Variants in ZSCAN32 observed in about 807,000 individuals in gnomAD.
The protein encoded by ZSCAN32 is zinc finger and SCAN domain containing 32, also known as zinc finger and SCAN domain-containing protein 32.
Under a neutral mutation model 47.4 loss-of-function variants are expected in ZSCAN32, and 52 were observed. That is an observed-to-expected ratio of 1.10 (90% CI 0.88 to 1.38). ZSCAN32 has a LOEUF of 1.38. Ranked by LOEUF, ZSCAN32 falls within the 40% of genes most tolerant of loss-of-function variation. The pLI is 0.00. For synonymous variants in ZSCAN32, 346 were observed against 305.7 expected (o/e 1.13, Z -1.38); for missense variants, 959 against 846.0 (o/e 1.13, Z -1.66).
chr16:3,387,917 G>A (rs899913355), intron 5 of ZSCAN32, among the ~76,000 whole-genome samples: 1 of 152,156 alleles, frequency 6.6e-6, no homozygotes, highest in Non-Finnish European at 1.5e-5. Context: ...CAAATAAAGT[G>A]ACATACTCAA....
chr16:3,400,324 G>A (rs1166714146), intron 1 of ZSCAN32, among the ~76,000 whole-genome samples: 3 of 152,104 alleles, frequency 2.0e-5, no homozygotes, highest in Non-Finnish European at 4.4e-5. Flanking sequence ...ACAGCTCCTA[G>A]GCAGCAAGGC....
chr16:3,399,405 G>C (rs915219814), intron 1 of ZSCAN32, among the ~76,000 whole-genome samples: 1 of 152,024 alleles, frequency 6.6e-6, no homozygotes, highest in African/African-American at 2.4e-5. Context: ...TGTAAGATCA[G>C]AGTTGTCTCC....
intron 1 of ZSCAN32, 85 bp from the exon 2 acceptor site, chr16:3,397,829 T>A: frequency 1.1e-5 from 3 of 281,504 alleles, no homozygotes; most frequent in Non-Finnish European, 2.0e-5. Flanking sequence ...TCCCTTTCCT[T>A]TACTCCCTCC....
chr16:3,397,582 T>C lies in ZSCAN32; in HGVS notation c.-25A>G. On this transcript the variant is annotated 5_prime_UTR_variant, in exon 2 of 7. Coordinates refer to ENST00000396852, the MANE Select transcript of ZSCAN32 (RefSeq NM_001284527.2). The stretch of plus-strand genomic sequence containing the variant: ...TTTGCTTCAACGAACTGGCTTACTC[T>C]GGTTGCCACTTCTACCCTGGAGATC... 2 of 1,495,838 alleles carry C rather than the reference T, an allele frequency of 1.3e-6. No homozygotes were observed. The highest frequency in any genetic ancestry group is 1.8e-6 in the Non-Finnish European group (2 of 1,117,518). The allele number at this position is 1,495,838 out of a possible 1,614,324, so 92.7% of individuals were successfully genotyped here.
At chr16:3,393,105 G>A (rs2032911350) in intron 3 of ZSCAN32, among the ~76,000 whole-genome samples, 1 of 130,794 alleles carries the variant, frequency 7.6e-6, no homozygotes, top group Non-Finnish European at 1.6e-5. Context: ...TACTTTAAGT[G>A]CTATTACCCT....
intron 5 of ZSCAN32, among the ~76,000 whole-genome samples, chr16:3,389,586 T>C (rs2032422642): frequency 6.6e-6 from 1 of 152,122 alleles, no homozygotes; most frequent in South Asian, 2.1e-4. Context: ...CTGGGCATAG[T>C]AGACTGTCCT....
intron 2 of ZSCAN32, among the ~76,000 whole-genome samples, chr16:3,395,562 G>A (rs1376824742): frequency 6.6e-6 from 1 of 152,168 alleles, no homozygotes; most frequent in Non-Finnish European, 1.5e-5. Flanking sequence ...CCACAGCCAT[G>A]CAGAACTGTG....
chr16:3,397,623 C>T lies in ZSCAN32; in HGVS notation c.-66G>A. On this transcript the variant is annotated 5_prime_UTR_variant, in exon 2 of 7. The change creates a premature stop within an existing upstream ORF in the 5' untranslated region. Transcript: ENST00000396852. ...CCTGGAGATCAGAGTCCATCTTTCC[C>T]ACATCACTGGGAAGCCATGTTCTCC... 6.9e-7 allele frequency: 1 copy of T among 1,451,484 alleles called. No homozygotes were observed. Among genetic ancestry groups the T allele is most frequent in the Non-Finnish European group, 9.1e-7 (1 of 1,100,718 alleles). The allele number at this position is 1,451,484 out of a possible 1,614,324, so 89.9% of individuals were successfully genotyped here.
Position 3,384,643 on chromosome 16 carries a change from G to C in ZSCAN32, c.1050C>G (p.Ser350Arg). The C allele has an allele frequency of 6.2e-7, 1 of 1,614,090 alleles. No homozygotes were observed. The highest frequency in any genetic ancestry group is 8.5e-7 in the Non-Finnish European group (1 of 1,180,030). ...TTCCTTCTTGGCCAGGAACAGCATC[G>C]CTTGCCATAGGAGGTGCAGAGGCCC... ...GSWASAPPMA[S>R]DAVPGQEGSD... Residue 350 changes from serine to arginine, a missense_variant, in exon 6 of 7, where the codon AGC (serine) becomes AGG (arginine). Ser to Arg is a moderately radical substitution (Grantham distance 110, BLOSUM62 -1). Coordinates refer to ENST00000396852, the MANE Select transcript of ZSCAN32 (RefSeq NM_001284527.2).
At chr16:3,390,337 G>A (rs1425888578) in intron 4 of ZSCAN32, 86 bp downstream of exon 4, 1 of 1,396,990 alleles carries the variant, frequency 7.2e-7, no homozygotes, top group African/African-American at 1.5e-5. Flanking sequence ...GGACCACACA[G>A]AATCTTTCTC....
At chr16:3,392,624 G>A (rs2032848926) in intron 3 of ZSCAN32, among the ~76,000 whole-genome samples, 2 of 152,080 alleles carry the variant, frequency 1.3e-5, no homozygotes, top group Admixed American at 6.6e-5. Flanking sequence ...TCAGGAGATC[G>A]AGACCATCCT....
At chr16:3,400,797 G>C (rs1355870498) in intron 1 of ZSCAN32, 148 bp downstream of exon 1, 1 of 152,216 alleles carries the variant, frequency 6.6e-6, no homozygotes, top group Non-Finnish European at 1.5e-5. Context: ...GGGGACGCCC[G>C]GCCTGAGGGA....
chr16:3,384,127 G>A (rs1360789008), intron 6 of ZSCAN32: 1 of 530,978 alleles, frequency 1.9e-6, no homozygotes, highest in Non-Finnish European at 3.3e-6. Flanking sequence ...GCCAGCATAG[G>A]CTCAGGCTGT....
At position 3,397,400 on chromosome 16, in the gene ZSCAN32, T is replaced by G. The variant is rs1567328102; in HGVS notation, c.158A>C (p.Glu53Ala). Residue 53 changes from glutamate to alanine, a missense_variant, in exon 2 of 7, where the codon GAA (glutamate) becomes GCA (alanine). Physicochemically the swap from Glu to Ala is moderately radical, Grantham distance 107. Transcript: ENST00000396852. ...FCYQEVTGPH[E>A]AFSKLWELCC... ...GAGTTCCCAGAGTTTGCTAAAAGCT[T>G]CATGTGGGCCAGTTACCTCCTGGTA... is the stretch of plus-strand genomic sequence containing the variant. 1.3e-6 allele frequency: 2 copies of G among 1,553,392 alleles called. No individual in the cohort carries two copies. The highest frequency in any genetic ancestry group is 3.9e-5 in the Admixed American group (2 of 51,158).
At chr16:3,385,233 G>C (rs2031817517) in intron 5 of ZSCAN32, among the ~76,000 whole-genome samples, 1 of 152,134 alleles carries the variant, frequency 6.6e-6, no homozygotes, top group African/African-American at 2.4e-5. Flanking sequence ...GGCTGAGGAA[G>C]AAGAATCACT....
At chr16:3,393,227 T>TAG (rs1173695968) in intron 3 of ZSCAN32, among the ~76,000 whole-genome samples, 3 of 23,700 alleles carry the variant, frequency 1.3e-4, no homozygotes, top group South Asian at 1.9e-3. Context: ...TATATATATA[T>TAG]AAATTTATAT....
At chr16:3,383,947 C>A in intron 6 of ZSCAN32, 2 of 522,740 alleles carry the variant, frequency 3.8e-6, no homozygotes, top group Non-Finnish European at 3.3e-6. Flanking sequence ...TTCGGATGTT[C>A]TGACACAATG....
intron 1 of ZSCAN32, among the ~76,000 whole-genome samples, chr16:3,398,959 A>T (rs1326707908): frequency 1.3e-5 from 2 of 152,186 alleles, no homozygotes; most frequent in African/African-American, 4.8e-5. Flanking sequence ...GTGGTGGCTC[A>T]CGCTTGCAAT....
rs1309345900 is a variant in ZSCAN32 at position 3,382,761 on chromosome 16, C to T, written c.*91G>A. 97 of 1,497,260 alleles carry T rather than the reference C, an allele frequency of 6.5e-5. No individual in the cohort carries two copies. The highest frequency in any genetic ancestry group is 8.5e-5 in the Non-Finnish European group (96 of 1,123,610). The allele number at this position is 1,497,260 out of a possible 1,614,324, so 92.7% of individuals were successfully genotyped here. On this transcript the variant is annotated 3_prime_UTR_variant, in exon 7 of 7. Coordinates refer to ENST00000396852, the MANE Select transcript of ZSCAN32 (RefSeq NM_001284527.2). ...GATCCAGTAGTCAGTAGGTCTGTTGCAAAGTCAGGGACTGGCTAGATCTCT... is the reference window on the plus strand; with the variant it reads ...GATCCAGTAGTCAGTAGGTCTGTTGTAAAGTCAGGGACTGGCTAGATCTCT...
Sources: gnomAD v4.1 joint callset for allele counts (sites outside exome capture counted in the v4.1 genomes callset) on GRCh38, gnomAD v4.1.1 for gene constraint, MANE v1.5 for transcripts, NCBI Gene and HGNC (gene_info 2026-07-23, HGNC 2026-07-21) for gene names.